QRFP: variants seen among roughly 807,000 people sequenced by gnomAD.
The protein encoded by QRFP is orexigenic neuropeptide QRFP.
A neutral mutation model predicts 9.1 loss-of-function variants in QRFP; 7 were observed. The ratio of observed to expected loss-of-function variants is 0.77; its 90% CI spans 0.44 to 1.45. QRFP has a LOEUF of 1.45. QRFP is among the 40% of genes most tolerant of loss of function. The pLI is 0.01. For missense variants in QRFP, 204 were observed against 185.4 expected (o/e 1.10, Z -0.58); for synonymous variants, 91 against 80.2 (o/e 1.13, Z -0.72).
At position 130,893,180 on chromosome 9, in the gene QRFP, G is replaced by A; in HGVS notation, c.*248C>T. Reference sequence around the variant, plus strand: ...GGGCTGCTCGGAGTCAAAGCCCCAGGGGAAGAGAGAGGCTGGGACGACCGA... The same window carrying A: ...GGGCTGCTCGGAGTCAAAGCCCCAGAGGAAGAGAGAGGCTGGGACGACCGA... On this transcript the variant is annotated 3_prime_UTR_variant, in exon 3 of 3. Transcript: ENST00000623824. 2 of 373,762 alleles carry A rather than the reference G, an allele frequency of 5.4e-6. No homozygotes were observed. Among genetic ancestry groups the A allele is most frequent in the East Asian group, 4.6e-5 (1 of 21,906 alleles). The allele number at this position is 373,762 out of a possible 1,614,324, so 23.2% of individuals were successfully genotyped here.
Position 130,893,857 on chromosome 9 carries a change from A to AG in QRFP, c.1-20dup. 2.0e-6 allele frequency: 3 copies of AG among 1,497,300 alleles called. No individual in the cohort carries two copies. Among genetic ancestry groups the AG allele is most frequent in the Non-Finnish European group, 2.7e-6 (3 of 1,123,712 alleles). 92.8% of individuals were successfully genotyped at this position (1,497,300 alleles called of 1,614,324 possible). On this transcript the variant is annotated intron_variant, in intron 2 of 2. Coordinates refer to ENST00000623824, the MANE Select transcript of QRFP (RefSeq NM_198180.3). ...TTACCATCTGACCCAGAGGAAAGAG[A>AG]GGCAGAGTGACAGGCTGCACACGTG... is the stretch of plus-strand genomic sequence containing the variant.
chr9:130,893,272 G>C lies in QRFP; in HGVS notation c.*156C>G. On this transcript the variant is annotated 3_prime_UTR_variant, in exon 3 of 3. Coordinates refer to ENST00000623824, the MANE Select transcript of QRFP (RefSeq NM_198180.3). Reference sequence around the variant, plus strand: ...GCTTCAGCAAAGTTGGAAATCAAAAGTAAGCACACACCTAACCTGTCCTAC... The same window carrying C: ...GCTTCAGCAAAGTTGGAAATCAAAACTAAGCACACACCTAACCTGTCCTAC... 1.3e-6 allele frequency: 1 copy of C among 770,684 alleles called. No individual in the cohort carries two copies. Among genetic ancestry groups the C allele is most frequent in the East Asian group, 3.0e-5 (1 of 33,798 alleles). The allele number at this position is 770,684 out of a possible 1,614,324, so 47.7% of individuals were successfully genotyped here.
rs1831722692 is a variant in QRFP, at chr9:130,893,835, C to T, written c.4G>A (p.Val2Ile). Residue 2 changes from valine to isoleucine, a missense_variant, in exon 3 of 3, where the codon GTA becomes ATA. By Grantham distance (29) the Val-to-Ile change is conservative (BLOSUM62 3). Coordinates refer to ENST00000623824, the MANE Select transcript of QRFP (RefSeq NM_198180.3). ...AAGTAGATCAGGGGGTAAGGCCTTA[C>T]CATCTGACCCAGAGGAAAGAGAGGC... is the stretch of plus-strand genomic sequence containing the variant. M[V>I]RPYPLIYFLF... The T allele has an allele frequency of 2.6e-6, 4 of 1,511,456 alleles. No homozygotes were observed. The highest frequency in any genetic ancestry group is 1.4e-5 in the African/African-American group (1 of 71,528). 93.6% of individuals were successfully genotyped at this position (1,511,456 alleles called of 1,614,324 possible). A position where few individuals can be genotyped will look rare whatever the true frequency, so the allele number is the denominator to read the frequency against.
Position 130,893,466 on chromosome 9 carries a change from TC to T in QRFP, c.372del (p.Lys125ArgfsTer46), listed in dbSNP as rs1313825349. 1.3e-6 allele frequency: 2 copies of T among 1,592,482 alleles called. No individual in the cohort carries two copies. The highest frequency in any genetic ancestry group is 2.3e-5 in the East Asian group (1 of 44,312). ...NLAEELNGYS[R>X]KKGGFSFRFG... is the part of the protein sequence containing the mutation. ...AAGCGGAAGCTGAAGCCGCCTTTCTTCCTGCTGTAGCCATTGAGCTCCTCAG... is the reference window on the plus strand; with the variant it reads ...AAGCGGAAGCTGAAGCCGCCTTTCTTCTGCTGTAGCCATTGAGCTCCTCAG... On this transcript the variant is annotated frameshift_variant, in exon 3 of 3. Transcript: ENST00000623824. LOFTEE classifies it high-confidence loss of function.
rs1181345079 is a variant in QRFP, at chr9:130,893,487, C to T, written c.352G>A (p.Glu118Lys). The T allele has an allele frequency of 3.1e-6, 5 of 1,608,740 alleles. 1 individual carries two copies. The South Asian group carries it at 3.3e-5, about 11-fold the overall frequency. ...TSGPLGNLAE[E>K]LNGYSRKKGG... ...TTCTTCCTGCTGTAGCCATTGAGCTCCTCAGCCAGGTTCCCTAACGGGCCG... is the reference window on the plus strand; with the variant it reads ...TTCTTCCTGCTGTAGCCATTGAGCTTCTCAGCCAGGTTCCCTAACGGGCCG... Residue 118 changes from glutamate to lysine, a missense_variant, in exon 3 of 3, where the codon GAG becomes AAG. Coordinates refer to ENST00000623824, the MANE Select transcript of QRFP (RefSeq NM_198180.3).
chr9:130,894,959 C>T (rs1831737326), intron 2 of QRFP, among the ~76,000 whole-genome samples: 1 of 152,154 alleles, frequency 6.6e-6, no homozygotes, highest in Non-Finnish European at 1.5e-5. Context: ...GAGCACCGGC[C>T]CTGGAGAAGA....
rs372291553 is a variant in QRFP, at chr9:130,893,735, C to T, written c.104G>A (p.Gly35Glu). The change falls in exon 3 of 3, where the codon GGA (glycine) becomes GAA (glutamate). Residue 35 changes from glycine (G) to glutamate (E), a missense_variant. By Grantham distance (98) the Gly-to-Glu change is moderately conservative. Coordinates refer to ENST00000623824, the MANE Select transcript of QRFP (RefSeq NM_198180.3). The stretch of plus-strand genomic sequence containing the variant: ...CAGGTCGGCCCAGCGTTCTCCAGCT[C>T]CGAGGCCACCCATGGCGTCTGTGGG... ...REPTDAMGGL[G>E]AGERWADLAM... 1.9e-6 allele frequency: 3 copies of T among 1,609,984 alleles called. No homozygotes were observed. Among genetic ancestry groups the T allele is most frequent in the Non-Finnish European group, 2.5e-6 (3 of 1,178,282 alleles).
rs1219590570 is a variant in QRFP, at chr9:130,893,495, A to G, written c.344T>C (p.Leu115Pro). ...GCTGTAGCCATTGAGCTCCTCAGCCAGGTTCCCTAACGGGCCGCTGGTCTT... is the reference window on the plus strand; with the variant it reads ...GCTGTAGCCATTGAGCTCCTCAGCCGGGTTCCCTAACGGGCCGCTGGTCTT... ...GEKTSGPLGN[L>P]AEELNGYSRK... is the part of the protein sequence containing the mutation. The change falls in exon 3 of 3, where the codon CTG becomes CCG. Residue 115 changes from leucine (L) to proline (P), a missense_variant. Coordinates refer to ENST00000623824, the MANE Select transcript of QRFP (RefSeq NM_198180.3). The G allele has an allele frequency of 6.2e-7, 1 of 1,610,098 alleles. No homozygotes were observed. Among genetic ancestry groups the G allele is most frequent in the Non-Finnish European group, 8.5e-7 (1 of 1,177,764 alleles).
chr9:130,894,896 G>T (rs1426652710), intron 2 of QRFP, among the ~76,000 whole-genome samples: 3 of 152,156 alleles, frequency 2.0e-5, no homozygotes. Context: ...AATGACCGCG[G>T]GGGAGCTGGA....
At chr9:130,894,883 G>A (rs7853654) in intron 2 of QRFP, among the ~76,000 whole-genome samples, 26,049 of 152,004 alleles carry the variant, frequency 0.17, 2,848 homozygotes, top group East Asian at 0.46. Context: ...AAACCTTTTT[G>A]ACAATGACCG....
At chr9:130,894,131 GGA>G (rs1249466437) in intron 2 of QRFP, among the ~76,000 whole-genome samples, 1 of 152,138 alleles carries the variant, frequency 6.6e-6, no homozygotes, top group African/African-American at 2.4e-5. Flanking sequence ...GGCGGCCCCG[GGA>G]GAGTCAGCAA....
intron 1 of QRFP, among the ~76,000 whole-genome samples, chr9:130,896,203 C>T (rs901709542): frequency 6.6e-6 from 1 of 152,206 alleles, no homozygotes; most frequent in Non-Finnish European, 1.5e-5. Flanking sequence ...CCACAGACAC[C>T]CATGAGGCCC....
At chr9:130,894,605 C>A (rs1831732771) in intron 2 of QRFP, among the ~76,000 whole-genome samples, 1 of 152,176 alleles carries the variant, frequency 6.6e-6, no homozygotes. Flanking sequence ...ACGGCTTCTT[C>A]AAGAAGCATA....
At chr9:130,895,358 G>C (rs960401436) in intron 2 of QRFP, among the ~76,000 whole-genome samples, 1 of 152,230 alleles carries the variant, frequency 6.6e-6, no homozygotes, top group East Asian at 1.9e-4. Context: ...CCCTGGAGTG[G>C]CCCTTCACCC....
At chr9:130,896,274 C>T (rs117110805) in intron 1 of QRFP, among the ~76,000 whole-genome samples, 5,076 of 152,314 alleles carry the variant, frequency 0.033, 111 homozygotes, top group Middle Eastern at 0.075. Context: ...CAGGTGGAGC[C>T]CTCAGCGGCC....
rs752701018 is a variant in QRFP at position 130,893,856 on chromosome 9, G to C, written c.1-18C>G. ...CTTACCATCTGACCCAGAGGAAAGA[G>C]AGGCAGAGTGACAGGCTGCACACGT... On this transcript the variant is annotated intron_variant, in intron 2 of 2. Transcript: ENST00000623824. 3 of 1,497,688 alleles carry C rather than the reference G, an allele frequency of 2.0e-6. No homozygotes were observed. Among genetic ancestry groups the C allele is most frequent in the Non-Finnish European group, 2.7e-6 (3 of 1,123,900 alleles). 92.8% of individuals were successfully genotyped at this position (1,497,688 alleles called of 1,614,324 possible). A position where few individuals can be genotyped will look rare whatever the true frequency, so the allele number is the denominator to read the frequency against.
chr9:130,894,326 C>T (rs144869484), intron 2 of QRFP, among the ~76,000 whole-genome samples: 14 of 152,286 alleles, frequency 9.2e-5, no homozygotes, highest in African/African-American at 2.6e-4. Context: ...TCCTGAAAGC[C>T]AGAAACAGAT....
chr9:130,894,227 T>C (rs553685410), intron 2 of QRFP, among the ~76,000 whole-genome samples: 1 of 152,346 alleles, frequency 6.6e-6, no homozygotes, highest in Non-Finnish European at 1.5e-5. Flanking sequence ...TCAATCTCCC[T>C]TAGTGTTCAA....
At chr9:130,895,268 G>A (rs1390361563) in intron 2 of QRFP, among the ~76,000 whole-genome samples, 1 of 152,156 alleles carries the variant, frequency 6.6e-6, no homozygotes, top group Non-Finnish European at 1.5e-5. Flanking sequence ...TGTGGACCAG[G>A]GACCGTTGCA....
Sources: allele counts gnomAD v4.1 joint callset (sites outside exome capture counted in the v4.1 genomes callset), GRCh38; gene constraint gnomAD v4.1.1; transcripts MANE v1.5; gene names NCBI Gene and HGNC (gene_info 2026-07-23, HGNC 2026-07-21).